SLC25A24: variants seen among roughly 807,000 people sequenced by gnomAD.
SLC25A24 encodes the protein solute carrier family 25 member 24, also known as mitochondrial adenyl nucleotide antiporter SLC25A24.
A neutral mutation model predicts 60.7 loss-of-function variants in SLC25A24; 49 were observed. The ratio of observed to expected loss-of-function variants is 0.81; its 90% CI spans 0.64 to 1.02. The LOEUF is 1.02. Ranked by LOEUF, SLC25A24 falls within the 50% of genes least tolerant of loss-of-function variation. The pLI is 0.00. For missense variants in SLC25A24, 564 were observed against 586.3 expected, an observed-to-expected ratio of 0.96 and a Z score of 0.39; for synonymous variants, 202 against 200.6, an observed-to-expected ratio of 1.01 and a Z score of -0.06.
intron 8 of SLC25A24, 36 bp from the exon 9 acceptor site, chr1:108,139,244 C>T: frequency 1.9e-6 from 3 of 1,562,862 alleles, no homozygotes; most frequent in Non-Finnish European, 2.6e-6. Context: ...AATTAACGAA[C>T]TCTACAACTT....
intron 6 of SLC25A24, among the ~76,000 whole-genome samples, chr1:108,151,206 C>T (rs1203341699): frequency 6.6e-6 from 1 of 151,886 alleles, no homozygotes; most frequent in East Asian, 1.9e-4. Flanking sequence ...ATCTCAAAAA[C>T]AAACAAACAT....
intron 1 of SLC25A24, chr1:108,192,721 G>A (rs113296339): frequency 7.0e-7 from 1 of 1,424,890 alleles, no homozygotes; most frequent in Middle Eastern, 2.2e-4. Context: ...ACGTCCAGTG[G>A]GAAGAGGCCT....
chr1:108,186,585 T>A (rs538021131), intron 1 of SLC25A24, among the ~76,000 whole-genome samples: 1 of 152,246 alleles, frequency 6.6e-6, no homozygotes, highest in South Asian at 2.1e-4. Flanking sequence ...AAGCCTAAAC[T>A]AGTGTTTTCC....
At chr1:108,199,510 G>C (rs1001361436) in intron 1 of SLC25A24, 2 of 219,228 alleles carry the variant, frequency 9.1e-6, no homozygotes, top group Non-Finnish European at 8.9e-6. Flanking sequence ...TCAAACAGTA[G>C]ACAATACACA....
intron 8 of SLC25A24, among the ~76,000 whole-genome samples, chr1:108,140,077 AAAAT>A (rs1679404400): frequency 6.6e-6 from 1 of 152,222 alleles, no homozygotes; most frequent in Admixed American, 6.5e-5. Flanking sequence ...CTTTAAGTAT[AAAAT>A]ACATGTTAAT....
chr1:108,171,724 A>G (rs988758855), intron 3 of SLC25A24, among the ~76,000 whole-genome samples: 5 of 152,236 alleles, frequency 3.3e-5, no homozygotes, highest in Non-Finnish European at 7.3e-5. Flanking sequence ...AACAAAAGCA[A>G]GCAATACTCA....
intron 2 of SLC25A24, among the ~76,000 whole-genome samples, chr1:108,182,762 G>A (rs544058417): frequency 1.3e-4 from 20 of 152,238 alleles, no homozygotes; most frequent in African/African-American, 4.3e-4. Flanking sequence ...GAAGCTGGGA[G>A]GCGGAGGTTG....
intron 3 of SLC25A24, among the ~76,000 whole-genome samples, chr1:108,163,492 C>G (rs1031225223): frequency 6.6e-6 from 1 of 151,180 alleles, no homozygotes; most frequent in Admixed American, 6.6e-5. Context: ...TTGCAGTTCT[C>G]CTTGAAGAGG....
intron 1 of SLC25A24, chr1:108,192,581 T>G: frequency 6.7e-7 from 1 of 1,498,868 alleles, no homozygotes; most frequent in Non-Finnish European, 9.0e-7. Context: ...ATCCTTGTTA[T>G]AGTCCAGGTA....
intron 1 of SLC25A24, among the ~76,000 whole-genome samples, chr1:108,186,307 A>G (rs1648123816): frequency 6.6e-6 from 1 of 152,214 alleles, no homozygotes; most frequent in Non-Finnish European, 1.5e-5. Flanking sequence ...AAAATATTGC[A>G]GCACTTTGGG....
At chr1:108,179,940 T>A (rs1255974976) in intron 3 of SLC25A24, among the ~76,000 whole-genome samples, 1 of 152,192 alleles carries the variant, frequency 6.6e-6, no homozygotes, top group South Asian at 2.1e-4. Flanking sequence ...ACAATGTACA[T>A]ATACTTCAAA....
At chr1:108,161,962 A>C in intron 3 of SLC25A24, among the ~76,000 whole-genome samples, 2 of 107,472 alleles carry the variant, frequency 1.9e-5, no homozygotes, top group East Asian at 3.1e-4. Flanking sequence ...CCACCCCACA[A>C]CAGTCCCCAG....
chr1:108,172,095 C>T (rs1571299552), intron 3 of SLC25A24, among the ~76,000 whole-genome samples: 5 of 152,040 alleles, frequency 3.3e-5, no homozygotes, highest in Admixed American at 3.3e-4. Flanking sequence ...TGAGAGTAAA[C>T]AGGGGAAATG....
chr1:108,162,253 T>C (rs1571292420), intron 3 of SLC25A24, among the ~76,000 whole-genome samples: 1 of 147,742 alleles, frequency 6.8e-6, no homozygotes, highest in Admixed American at 6.7e-5. Context: ...ACAATAAACA[T>C]ACATGTGCAT....
chr1:108,193,470 T>C (rs993799898), intron 1 of SLC25A24, among the ~76,000 whole-genome samples: 2 of 140,004 alleles, frequency 1.4e-5, no homozygotes, highest in Non-Finnish European at 3.1e-5. Flanking sequence ...GTTTAAGTTA[T>C]TGGCTTCCAG....
chr1:108,153,810 T>C lies in SLC25A24; in HGVS notation c.822+1173A>G, dbSNP rs1325581825. Among the ~76,000 whole-genome samples, 3 of 152,188 alleles carry C rather than the reference T, an allele frequency of 2.0e-5. No homozygotes were observed. The East Asian group carries it at 5.8e-4, about 29-fold the overall frequency. ...ATCTGACAAATGGCATAAAGCAAAA[T>C]GTGCATATTTGCTTGCAATACCCAT... On this transcript the variant is annotated intron_variant, in intron 6 of 9. Transcript: ENST00000565488.
At chr1:108,195,938 T>C (rs1648482955) in intron 1 of SLC25A24, among the ~76,000 whole-genome samples, 1 of 149,390 alleles carries the variant, frequency 6.7e-6, no homozygotes, top group South Asian at 2.1e-4. Context: ...AAGCAGAGGC[T>C]GCAGTGAGCC....
At chr1:108,158,934 C>T (rs1679978431) in intron 4 of SLC25A24, among the ~76,000 whole-genome samples, 1 of 152,128 alleles carries the variant, frequency 6.6e-6, no homozygotes, top group East Asian at 1.9e-4. Context: ...ACCCCGGAGG[C>T]CGAGTTTGCA....
At chr1:108,187,081 A>AG (rs1253276019) in intron 1 of SLC25A24, among the ~76,000 whole-genome samples, 1 of 151,430 alleles carries the variant, frequency 6.6e-6, no homozygotes, top group Non-Finnish European at 1.5e-5. Flanking sequence ...CTATCTCAAA[A>AG]AAAAAAAAAA....
Sources: gnomAD v4.1 joint callset for allele counts (sites outside exome capture counted in the v4.1 genomes callset) on GRCh38, gnomAD v4.1.1 for gene constraint, MANE v1.5 for transcripts, NCBI Gene and HGNC (gene_info 2026-07-23, HGNC 2026-07-21) for gene names.